Variants in WNT4 observed in about 807,000 individuals in gnomAD.
The protein encoded by WNT4 is protein Wnt-4.
Under a neutral mutation model 34.5 loss-of-function variants are expected in WNT4, and 16 were observed. The ratio of observed to expected loss-of-function variants is 0.46; its 90% CI spans 0.31 to 0.70. WNT4 has a LOEUF of 0.70. Ranked by LOEUF, WNT4 falls within the 30% of genes least tolerant of loss-of-function variation. The probability of loss-of-function intolerance (pLI) is 0.04; values close to 1 mark genes in which losing one functional copy is unlikely to be tolerated. For synonymous variants in WNT4, 200 were observed against 211.9 expected, an observed-to-expected ratio of 0.94 and a Z score of 0.49; for missense variants, 379 against 495.9, an observed-to-expected ratio of 0.76 and a Z score of 2.24.
At chr1:22,124,231 C>A (rs1645924380) in intron 2 of WNT4, among the ~76,000 whole-genome samples, 2 of 152,228 alleles carry the variant, frequency 1.3e-5, no homozygotes, top group Admixed American at 1.3e-4. Context: ...AGGGGCTTTC[C>A]AAGGGACGAA....
chr1:22,128,205 A>C (rs1408611354), intron 2 of WNT4, among the ~76,000 whole-genome samples: 3 of 152,314 alleles, frequency 2.0e-5, no homozygotes, highest in South Asian at 4.1e-4. Context: ...TTTCTATCAC[A>C]GTTGGTTTCT....
In WNT4 at chr1:22,120,152, C is replaced by T. The variant is rs112942159; in HGVS notation, c.954G>A (p.Ala318=). 77 of 1,613,484 alleles carry T rather than the reference C, an allele frequency of 4.8e-5. No homozygotes were observed. The highest frequency in any genetic ancestry group is 2.3e-4 in the African/African-American group (17 of 75,064). ...LLCCGRGFHT[A]QVELAERCSC... ...TGCAGCGTTCAGCCAGCTCCACCTG[C>T]GCCGTGTGGAAGCCGCGGCCACAGC... The change falls in exon 5 of 5, where the codon GCG becomes GCA. Residue 318 remains alanine, a synonymous_variant. Transcript: ENST00000290167.
chr1:22,131,761 G>T (rs1414679311), intron 1 of WNT4, among the ~76,000 whole-genome samples: 1 of 152,200 alleles, frequency 6.6e-6, no homozygotes, highest in Non-Finnish European at 1.5e-5. Context: ...GGCGGTCTCA[G>T]GCCGAAGAAG....
At chr1:22,132,251 C>G (rs952133425) in intron 1 of WNT4, among the ~76,000 whole-genome samples, 1 of 152,204 alleles carries the variant, frequency 6.6e-6, no homozygotes, top group Non-Finnish European at 1.5e-5. Flanking sequence ...TGTGGGGGCA[C>G]AGAGCTGGCC....
Position 22,137,574 on chromosome 1 carries a change from G to A in WNT4, c.77+5272C>T, listed in dbSNP as rs1250978469. Among the ~76,000 whole-genome samples the A allele has an allele frequency of 6.6e-6, 1 of 152,260 alleles. No homozygotes were observed. Among genetic ancestry groups the A allele is most frequent in the Admixed American group, 6.5e-5 (1 of 15,292 alleles). On this transcript the variant is annotated intron_variant, in intron 1 of 4. Coordinates refer to ENST00000290167, the MANE Select transcript of WNT4 (RefSeq NM_030761.5). The surrounding 1 kb of genome is among the most constrained non-coding windows in gnomAD (Gnocchi z 5.3). ...CTTTCCCAGTGTACCCACAGAGCCT[G>A]AGTTGGGCGAGTTTCAACAGGTTTG...
chr1:22,142,830 C>A lies in WNT4; in HGVS notation c.77+16G>T. 8.4e-7 allele frequency: 1 copy of A among 1,195,336 alleles called. No individual in the cohort carries two copies. Among genetic ancestry groups the A allele is most frequent in the Non-Finnish European group, 1.1e-6 (1 of 938,006 alleles). The allele number at this position is 1,195,336 out of a possible 1,614,324, so 74.0% of individuals were successfully genotyped here. A position where few individuals can be genotyped will look rare whatever the true frequency, so the allele number is the denominator to read the frequency against. On this transcript the variant is annotated intron_variant, in intron 1 of 4. Transcript: ENST00000290167. The surrounding 1 kb of genome is among the most constrained non-coding windows in gnomAD (Gnocchi z 6.0). ...CCCCGCCCCGCCCCGCCCCGCTCGGCCCCGGCCAGACTTACAGCCAGTTGC... is the reference window on the plus strand; with the variant it reads ...CCCCGCCCCGCCCCGCCCCGCTCGGACCCGGCCAGACTTACAGCCAGTTGC...
At position 22,134,091 on chromosome 1, in the gene WNT4, T is replaced by A. The variant is rs978825746; in HGVS notation, c.78-4240A>T. ...TGGAGCGTTTGGGAGGCCAAGCAGA[T>A]CAGTGTCGTGGGTCCCGGCCCTGCG... On this transcript the variant is annotated intron_variant, in intron 1 of 4. Coordinates refer to ENST00000290167, the MANE Select transcript of WNT4 (RefSeq NM_030761.5). The surrounding 1 kb of genome is among the most constrained non-coding windows in gnomAD (Gnocchi z 4.1). Among the ~76,000 whole-genome samples, 2 of 152,186 alleles carry A rather than the reference T, an allele frequency of 1.3e-5. No homozygotes were observed. Among genetic ancestry groups the A allele is most frequent in the Non-Finnish European group, 2.9e-5 (2 of 68,030 alleles).
Position 22,142,738 on chromosome 1 carries a change from A to T in WNT4, c.77+108T>A, listed in dbSNP as rs1458511949. ...GAGCCTCCGGTCCCGCGGCCGAGAC[A>T]CCTGCCGGGCTGCCCCGCGCCCGCT... is the stretch of plus-strand genomic sequence containing the variant. On this transcript the variant is annotated intron_variant, in intron 1 of 4. Coordinates refer to ENST00000290167, the MANE Select transcript of WNT4 (RefSeq NM_030761.5). The surrounding 1 kb of genome is among the most constrained non-coding windows in gnomAD (Gnocchi z 6.0). The T allele has an allele frequency of 1.3e-5, 10 of 778,042 alleles. No homozygotes were observed. Among genetic ancestry groups the T allele is most frequent in the Non-Finnish European group, 1.6e-5 (10 of 642,596 alleles). The allele number at this position is 778,042 out of a possible 1,614,324, so 48.2% of individuals were successfully genotyped here.
intron 2 of WNT4, among the ~76,000 whole-genome samples, chr1:22,122,547 AT>A (rs1645908715): frequency 6.6e-6 from 1 of 152,124 alleles, no homozygotes; most frequent in South Asian, 2.1e-4. Flanking sequence ...GAGCTGGAGT[AT>A]GCATGGCCGG....
intron 1 of WNT4, among the ~76,000 whole-genome samples, chr1:22,138,958 C>T (rs528232617): frequency 1.3e-5 from 2 of 152,334 alleles, no homozygotes; most frequent in Admixed American, 6.5e-5. Flanking sequence ...AAGCATGATG[C>T]GTCCTTCACT....
In WNT4 at chr1:22,142,610, C is replaced by T. The variant is rs1646079320; in HGVS notation, c.77+236G>A. Among the ~76,000 whole-genome samples the T allele has an allele frequency of 6.6e-6, 1 of 151,868 alleles. No homozygotes were observed. Among genetic ancestry groups the T allele is most frequent in the African/African-American group, 2.4e-5 (1 of 41,378 alleles). ...CCGCCTACCGGTGCGGACGCCGCCA[C>T]AGCCACCCCTGACGCCTCTGGGCAG... On this transcript the variant is annotated intron_variant, in intron 1 of 4. Coordinates refer to ENST00000290167, the MANE Select transcript of WNT4 (RefSeq NM_030761.5). The surrounding 1 kb of genome is among the most constrained non-coding windows in gnomAD (Gnocchi z 6.0).
Position 22,140,078 on chromosome 1 carries a change from G to T in WNT4, c.77+2768C>A, listed in dbSNP as rs1335681303. ...GAGACAACAGATAGTCCTGGCTCTC[G>T]CCACTGGCCAGCAGACCCACCCTGG... On this transcript the variant is annotated intron_variant, in intron 1 of 4. Transcript: ENST00000290167. The surrounding 1 kb of genome is among the most constrained non-coding windows in gnomAD (Gnocchi z 5.9). The T allele has an allele frequency of 7.4e-6, 5 of 679,448 alleles. No homozygotes were observed. The highest frequency in any genetic ancestry group is 2.7e-4 in the East Asian group (2 of 7,456). The allele number at this position is 679,448 out of a possible 1,614,324, so 42.1% of individuals were successfully genotyped here. A position where few individuals can be genotyped will look rare whatever the true frequency, so the allele number is the denominator to read the frequency against.
At chr1:22,132,404 C>G (rs1570107403) in intron 1 of WNT4, among the ~76,000 whole-genome samples, 2 of 152,204 alleles carry the variant, frequency 1.3e-5, no homozygotes, top group Admixed American at 1.3e-4. Flanking sequence ...CCCACCATGA[C>G]CTTGGGCAAG....
intron 2 of WNT4, among the ~76,000 whole-genome samples, chr1:22,126,374 T>C (rs192443903): frequency 2.6e-5 from 4 of 152,008 alleles, no homozygotes; most frequent in Admixed American, 1.3e-4. Context: ...GGTCCTGGAG[T>C]GGTCAAGGAG....
In WNT4 at chr1:22,129,634, C is replaced by G; in HGVS notation, c.295G>C (p.Gly99Arg). The change falls in exon 2 of 5, where the codon GGC becomes CGC. Residue 99 changes from glycine (G) to arginine (R), a missense_variant. Physicochemically the swap from Gly to Arg is moderately radical, Grantham distance 125. This residue lies in a region of WNT4 where 313 missense variants were observed against 445.8 expected (regional missense o/e 0.70). Coordinates refer to ENST00000290167, the MANE Select transcript of WNT4 (RefSeq NM_030761.5). ...CCCTCACCTTGCGTCACCACCTTGC[C>G]GAAGACGGGCAAGGAGTCGAGTGTG... ...CSTLDSLPVFGKVVTQGTREA... is the reference protein window; with the variant it reads ...CSTLDSLPVFRKVVTQGTREA... 1 of 1,613,486 alleles carries G rather than the reference C, an allele frequency of 6.2e-7. No individual in the cohort carries two copies. The highest frequency in any genetic ancestry group is 8.5e-7 in the Non-Finnish European group (1 of 1,179,940).
intron 2 of WNT4, chr1:22,127,006 CT>C: frequency 3.0e-6 from 1 of 338,218 alleles, no homozygotes; most frequent in South Asian, 2.3e-5. Flanking sequence ...GGACAATCCC[CT>C]TTTCCTCTTA....
At chr1:22,138,306 G>T (rs530500788) in intron 1 of WNT4, among the ~76,000 whole-genome samples, 1 of 152,292 alleles carries the variant, frequency 6.6e-6, no homozygotes, top group African/African-American at 2.4e-5. Flanking sequence ...CTCTGAAAGT[G>T]GTTGTGGTGA....
At chr1:22,127,165 T>A (rs1393152882) in intron 2 of WNT4, 1 of 408,800 alleles carries the variant, frequency 2.4e-6, no homozygotes, top group East Asian at 7.3e-5. Flanking sequence ...ACTGGCTTAG[T>A]CTCGGCACCT....
Position 22,140,216 on chromosome 1 carries a change from G to T in WNT4, c.77+2630C>A. On this transcript the variant is annotated intron_variant, in intron 1 of 4. Transcript: ENST00000290167. The surrounding 1 kb of genome is among the most constrained non-coding windows in gnomAD (Gnocchi z 5.9). ...TACCTCACACTTGAAAAGACACAGT[G>T]CCAGCCATCATGCCTGCATGGACAC... The T allele has an allele frequency of 1.0e-6, 1 of 985,408 alleles. No individual in the cohort carries two copies. 61.0% of individuals were successfully genotyped at this position (985,408 alleles called of 1,614,324 possible). A position where few individuals can be genotyped will look rare whatever the true frequency, so the allele number is the denominator to read the frequency against.
Sources: allele counts gnomAD v4.1 joint callset (sites outside exome capture counted in the v4.1 genomes callset), GRCh38; gene constraint gnomAD v4.1.1; regional missense constraint gnomAD v4.1.1; non-coding constraint Gnocchi (gnomAD v3.1); transcripts MANE v1.5; gene names NCBI Gene and HGNC (gene_info 2026-07-23, HGNC 2026-07-21).